Variants in FSD2 observed in about 807,000 individuals in gnomAD.
The protein encoded by FSD2 is fibronectin type III and SPRY domain-containing protein 2.
FSD2 carries 71 observed loss-of-function variants against 80.4 expected under a neutral mutation model. The ratio of observed to expected loss-of-function variants is 0.88; its 90% confidence interval spans 0.73 to 1.08. FSD2 has a LOEUF of 1.08. FSD2 is among the 50% of genes least tolerant of loss of function. FSD2 has a pLI of 0.00. For missense variants in FSD2, 923 were observed against 913.8 expected (o/e 1.01, Z -0.13); for synonymous variants, 361 against 329.5 (o/e 1.10, Z -1.03).
rs554547188 is a variant in FSD2, at chr15:82,757,731, G to A, written c.*1617C>T. The A allele has an allele frequency of 6.6e-6, 1 of 152,348 alleles. No individual in the cohort carries two copies. Among genetic ancestry groups the A allele is most frequent in the African/African-American group, 2.4e-5 (1 of 41,592 alleles). The allele number at this position is 152,348 out of a possible 1,614,324, so 9.4% of individuals were successfully genotyped here. A position where few individuals can be genotyped will look rare whatever the true frequency, so the allele number is the denominator to read the frequency against. The stretch of plus-strand genomic sequence containing the variant: ...GCTGTCCCTTGTTTCAGAGTAGACA[G>A]TCCAGCTTGGCAGGATAGGTGTGTG... On this transcript the variant is annotated 3_prime_UTR_variant, in exon 13 of 13. Transcript: ENST00000334574.
chr15:82,765,144 T>C (rs770672893), intron 11 of FSD2, 22 bp downstream of exon 11: 18 of 1,578,492 alleles, frequency 1.1e-5, no homozygotes, highest in Non-Finnish European at 2.6e-6. Flanking sequence ...CAGAACGCCC[T>C]TGTGAGCGGT....
At chr15:82,790,900 A>G (rs376000163) in intron 1 of FSD2, among the ~76,000 whole-genome samples, 2 of 149,116 alleles carry the variant, frequency 1.3e-5, no homozygotes, top group Non-Finnish European at 3.0e-5. Flanking sequence ...TGTTTTATTA[A>G]TTCTTTTTTG....
chr15:82,787,765 A>AATTATT (rs928067542), intron 1 of FSD2, among the ~76,000 whole-genome samples: 1 of 151,532 alleles, frequency 6.6e-6, no homozygotes, highest in African/African-American at 2.4e-5. Flanking sequence ...CATCTCAGGC[A>AATTATT]ATTATTATTA....
chr15:82,788,710 CCTTAAAGATGTT>C (rs751964475), intron 1 of FSD2, among the ~76,000 whole-genome samples: 45 of 151,830 alleles, frequency 3.0e-4, no homozygotes, highest in Non-Finnish European at 5.7e-4. Context: ...GGGTCAGGAA[CCTTAAAGATGTT>C]CACACTTTCA....
chr15:82,781,701 T>C (rs1024802722), intron 4 of FSD2, among the ~76,000 whole-genome samples: 1 of 152,122 alleles, frequency 6.6e-6, no homozygotes, highest in African/African-American at 2.4e-5. Context: ...TTAAGGTGCC[T>C]TTTCAGCCTT....
At chr15:82,769,123 T>C (rs1340760411) in intron 8 of FSD2, 93 bp from the exon 9 acceptor site, 5 of 1,161,804 alleles carry the variant, frequency 4.3e-6, no homozygotes, top group Non-Finnish European at 5.6e-6. Flanking sequence ...AGCCACCTTC[T>C]TCCTCCCACA....
rs1307420581 is a variant in FSD2, at chr15:82,765,310, G to C, written c.1688-12C>G. 3 of 1,612,922 alleles carry C rather than the reference G, an allele frequency of 1.9e-6. No homozygotes were observed. The highest frequency in any genetic ancestry group is 1.1e-5 in the South Asian group (1 of 90,846). On this transcript the variant is annotated splice_polypyrimidine_tract_variant and intron_variant, in intron 10 of 12. Coordinates refer to ENST00000334574, the MANE Select transcript of FSD2 (RefSeq NM_001007122.4). ...GCGAAAGTAGCTTCCTGTGGGAGGA[G>C]GAACACACAGAAGACCCGCAGCCAA...
chr15:82,784,946 G>C (rs2049959967), intron 3 of FSD2, among the ~76,000 whole-genome samples: 1 of 152,200 alleles, frequency 6.6e-6, no homozygotes, highest in African/African-American at 2.4e-5. Context: ...GACAGGCATG[G>C]AAACTTATTA....
intron 12 of FSD2, among the ~76,000 whole-genome samples, chr15:82,761,177 T>C (rs1477123892): frequency 2.0e-5 from 3 of 152,184 alleles, no homozygotes; most frequent in Admixed American, 1.3e-4. Flanking sequence ...GCAGAGAGCA[T>C]TGGATGAACA....
At chr15:82,775,290 C>T (rs1220931529) in intron 6 of FSD2, among the ~76,000 whole-genome samples, 3 of 151,252 alleles carry the variant, frequency 2.0e-5, no homozygotes, top group African/African-American at 4.9e-5. Context: ...CCCAGCTACT[C>T]GGGAGGCTGA....
Position 82,782,916 on chromosome 15 carries a change from T to C in FSD2, c.845A>G (p.Lys282Arg). Reference protein sequence around the residue: ...EKIQALGEKKKEKLEALYGQL... With the variant: ...EKIQALGEKKREKLEALYGQL... Reference sequence around the variant, plus strand: ...TCCATATAAGGCTTCCAGCTTCTCTTTCTTTTTCTCCCCTAGAGCTTGTAT... The same window carrying C: ...TCCATATAAGGCTTCCAGCTTCTCTCTCTTTTTCTCCCCTAGAGCTTGTAT... The change falls in exon 4 of 13, where the codon AAA becomes AGA. Residue 282 changes from lysine to arginine, a missense_variant. Lys to Arg is a conservative substitution (Grantham distance 26). Transcript: ENST00000334574. 2 of 1,613,950 alleles carry C rather than the reference T, an allele frequency of 1.2e-6. No homozygotes were observed.
chr15:82,763,039 C>T (rs917622567), intron 11 of FSD2, among the ~76,000 whole-genome samples: 1 of 152,326 alleles, frequency 6.6e-6, no homozygotes, highest in Middle Eastern at 3.4e-3. Flanking sequence ...TCTTACTGCT[C>T]AAGCAAAGCT....
chr15:82,772,578 G>A (rs140389146), intron 6 of FSD2, among the ~76,000 whole-genome samples: 1 of 152,168 alleles, frequency 6.6e-6, no homozygotes, highest in African/African-American at 2.4e-5. Context: ...CAGCACTGCT[G>A]CCTCAGCAGA....
chr15:82,800,415 C>T (rs1256325189), intron 1 of FSD2, among the ~76,000 whole-genome samples: 1 of 152,020 alleles, frequency 6.6e-6, no homozygotes. Flanking sequence ...CAGTCGGCCC[C>T]ACACAGTGGC....
chr15:82,794,782 C>T (rs538302511), intron 1 of FSD2, among the ~76,000 whole-genome samples: 8 of 148,618 alleles, frequency 5.4e-5, no homozygotes, highest in South Asian at 2.1e-4. Context: ...TGGAGTTCAG[C>T]GGCGCGATCT....
Position 82,782,942 on chromosome 15 carries a change from T to A in FSD2, c.819A>T (p.Lys273Asn). 1 of 1,613,930 alleles carries A rather than the reference T, an allele frequency of 6.2e-7. No homozygotes were observed. Among genetic ancestry groups the A allele is most frequent in the Non-Finnish European group, 8.5e-7 (1 of 1,179,880 alleles). The change falls in exon 4 of 13, where the codon AAA becomes AAT. Residue 273 changes from lysine to asparagine, a missense_variant. Physicochemically the swap from Lys to Asn is moderately conservative, Grantham distance 94 (BLOSUM62 0). Coordinates refer to ENST00000334574, the MANE Select transcript of FSD2 (RefSeq NM_001007122.4). ...LETLAQKYEE[K>N]IQALGEKKKE... ...TCTTTTTCTCCCCTAGAGCTTGTATTTTTTCCTCATATTTTTGAGCAAGTG... is the reference window on the plus strand; with the variant it reads ...TCTTTTTCTCCCCTAGAGCTTGTATATTTTCCTCATATTTTTGAGCAAGTG...
chr15:82,791,306 G>A (rs752294504), intron 1 of FSD2, among the ~76,000 whole-genome samples: 18 of 151,882 alleles, frequency 1.2e-4, no homozygotes, highest in African/African-American at 4.1e-4. Flanking sequence ...CAATTCAGTG[G>A]TTTTTAGTAT....
At chr15:82,801,318 C>T (rs989105652) in intron 1 of FSD2, among the ~76,000 whole-genome samples, 2 of 152,214 alleles carry the variant, frequency 1.3e-5, no homozygotes, top group African/African-American at 4.8e-5. Flanking sequence ...ATCACTCCCC[C>T]AGTTAATCGT....
chr15:82,768,956 C>A lies in FSD2; in HGVS notation c.1477G>T (p.Gly493Trp). The A allele has an allele frequency of 6.2e-7, 1 of 1,608,028 alleles. No homozygotes were observed. Among genetic ancestry groups the A allele is most frequent in the Non-Finnish European group, 8.5e-7 (1 of 1,177,348 alleles). ...TACGAGTCCACAGGATTCAGGTTCC[C>A]AGACTCCCAGCAAATCAGCACAGCC... ...EEAVLICWES[G>W]NLNPVDSYTV... The change falls in exon 9 of 13, where the codon GGG (glycine) becomes TGG (tryptophan). Residue 493 changes from glycine (G) to tryptophan (W), a missense_variant. Transcript: ENST00000334574.
Sources: gnomAD v4.1 joint callset for allele counts (sites outside exome capture counted in the v4.1 genomes callset) on GRCh38, gnomAD v4.1.1 for gene constraint, MANE v1.5 for transcripts, NCBI Gene and HGNC (gene_info 2026-07-23, HGNC 2026-07-21) for gene names.